Variants in HEMK2 observed in about 807,000 individuals in gnomAD.
HEMK2 encodes the protein methyltransferase HEMK2.
the HEMK2 span, among the ~76,000 whole-genome samples, chr21:28,637,241 T>C: frequency 6.6e-6 from 1 of 152,192 alleles, no homozygotes; most frequent in Non-Finnish European, 1.5e-5. Context: ...CATCATTGTA[T>C]GATATTAGGG....
At chr21:28,721,942 A>ACACG in the HEMK2 span, among the ~76,000 whole-genome samples, 1 of 147,750 alleles carries the variant, frequency 6.8e-6, no homozygotes, top group Admixed American at 6.7e-5. Flanking sequence ...ACACACATAC[A>ACACG]CCTATTTGAT....
At chr21:28,660,838 G>C in the HEMK2 span, among the ~76,000 whole-genome samples, 6 of 152,038 alleles carry the variant, frequency 3.9e-5, no homozygotes, top group African/African-American at 1.4e-4. Context: ...TTAAAAAATG[G>C]GACAGAACTC....
chr21:28,630,690 A>C, the HEMK2 span, among the ~76,000 whole-genome samples: 1 of 149,612 alleles, frequency 6.7e-6, no homozygotes, highest in African/African-American at 2.5e-5. Flanking sequence ...CAAAAAACCA[A>C]ACACCACATG....
chr21:28,619,054 G>C, the HEMK2 span, among the ~76,000 whole-genome samples: 1 of 152,134 alleles, frequency 6.6e-6, no homozygotes, highest in Non-Finnish European at 1.5e-5. Context: ...TATAAGAAAA[G>C]GAAGTTTAGA....
the HEMK2 span, among the ~76,000 whole-genome samples, chr21:28,869,061 C>G: frequency 2.0e-5 from 3 of 151,294 alleles, no homozygotes; most frequent in African/African-American, 7.3e-5. Context: ...TTTCTCGTTT[C>G]TGATTCTTAT....
the HEMK2 span, among the ~76,000 whole-genome samples, chr21:28,654,775 A>C: frequency 6.6e-6 from 1 of 152,114 alleles, no homozygotes; most frequent in Non-Finnish European, 1.5e-5. Context: ...CATTAGGTTA[A>C]TACATTAAGT....
chr21:28,650,402 A>T, the HEMK2 span, among the ~76,000 whole-genome samples: 1 of 152,126 alleles, frequency 6.6e-6, no homozygotes, highest in Admixed American at 6.5e-5. Flanking sequence ...CTCAAAAAAA[A>T]AAATGCCATG....
the HEMK2 span, among the ~76,000 whole-genome samples, chr21:28,847,417 T>A: frequency 6.6e-6 from 1 of 152,224 alleles, no homozygotes; most frequent in Non-Finnish European, 1.5e-5. Context: ...CATGGTTACA[T>A]CTTCTTCTGA....
At chr21:28,632,735 C>G in the HEMK2 span, among the ~76,000 whole-genome samples, 1 of 152,176 alleles carries the variant, frequency 6.6e-6, no homozygotes. Context: ...ATGGCTGCTT[C>G]TAACTCTCTC....
the HEMK2 span, among the ~76,000 whole-genome samples, chr21:28,779,668 T>C: frequency 1.7e-4 from 26 of 152,164 alleles, no homozygotes; most frequent in Non-Finnish European, 3.2e-4. Flanking sequence ...TGGGTCACTT[T>C]CTCCTGCCAT....
At chr21:28,720,472 C>T in the HEMK2 span, among the ~76,000 whole-genome samples, 2 of 152,100 alleles carry the variant, frequency 1.3e-5, no homozygotes, top group Non-Finnish European at 2.9e-5. Flanking sequence ...ATGGCTCATG[C>T]CTGTTATTCT....
At chr21:28,621,347 T>G in the HEMK2 span, among the ~76,000 whole-genome samples, 1 of 152,230 alleles carries the variant, frequency 6.6e-6, no homozygotes, top group African/African-American at 2.4e-5. Flanking sequence ...AGGAGCAGGT[T>G]GTTCAGTTTC....
At chr21:28,608,363 T>A in the HEMK2 span, among the ~76,000 whole-genome samples, 145 of 150,644 alleles carry the variant, frequency 9.6e-4, no homozygotes, top group African/African-American at 3.4e-3. Flanking sequence ...TCCTATTAGC[T>A]TCAAGGCTAA....
At chr21:28,805,895 C>A in the HEMK2 span, among the ~76,000 whole-genome samples, 1 of 152,062 alleles carries the variant, frequency 6.6e-6, no homozygotes, top group Non-Finnish European at 1.5e-5. Flanking sequence ...ACAAGCAAAA[C>A]CTTGAAGGAA....
chr21:28,645,613 C>A, the HEMK2 span, among the ~76,000 whole-genome samples: 23 of 152,064 alleles, frequency 1.5e-4, no homozygotes, highest in African/African-American at 5.6e-4. Flanking sequence ...TGAATGCTTG[C>A]ATCTCCCCAA....
At chr21:28,821,499 T>C in the HEMK2 span, among the ~76,000 whole-genome samples, 1 of 152,324 alleles carries the variant, frequency 6.6e-6, no homozygotes, top group Non-Finnish European at 1.5e-5. Context: ...TTTGAGGAAT[T>C]TGGAAGGAGG....
At chr21:28,604,637 G>A in the HEMK2 span, among the ~76,000 whole-genome samples, 1 of 152,200 alleles carries the variant, frequency 6.6e-6, no homozygotes, top group African/African-American at 2.4e-5. Flanking sequence ...TCATTTTGCA[G>A]ATGAGAAAAT....
At chr21:28,706,749 G>A in the HEMK2 span, among the ~76,000 whole-genome samples, 2 of 151,098 alleles carry the variant, frequency 1.3e-5, no homozygotes, top group African/African-American at 4.9e-5. Context: ...ATTATTTGGA[G>A]GCTAAATATG....
the HEMK2 span, among the ~76,000 whole-genome samples, chr21:28,620,768 T>C: frequency 7.0e-6 from 1 of 143,498 alleles, no homozygotes; most frequent in East Asian, 2.2e-4. Flanking sequence ...CCACCTCCCG[T>C]GTGCAAGAGA....
Sources: allele counts gnomAD v4.1 joint callset (sites outside exome capture counted in the v4.1 genomes callset), GRCh38; gene constraint gnomAD v4.1.1; transcripts MANE v1.5; gene names NCBI Gene and HGNC (gene_info 2026-07-23, HGNC 2026-07-21).